The following SH3RF3 variants were observed in gnomAD, a reference collection of about 807,000 sequenced individuals.
The protein encoded by SH3RF3 is SH3 domain containing ring finger 3.
Under a neutral mutation model 66.3 loss-of-function variants are expected in SH3RF3, and 29 were observed. The ratio of observed to expected loss-of-function variants is 0.44; its 90% CI spans 0.33 to 0.60. The LOEUF is 0.60. Among genes scored for constraint, SH3RF3 ranks in the 20% least tolerant of loss-of-function variants. The pLI is 0.04. For missense variants in SH3RF3, 1,194 were observed against 1,190.9 expected (o/e 1.00, Z -0.04); for synonymous variants, 583 against 532.0 (o/e 1.10, Z -1.32).
intron 1 of SH3RF3, among the ~76,000 whole-genome samples, chr2:109,166,025 C>G (rs1290691064): frequency 6.6e-6 from 1 of 152,166 alleles, no homozygotes; most frequent in Non-Finnish European, 1.5e-5. Context: ...GTTTGCTGCT[C>G]ATTCTGTAGA....
chr2:109,211,675 C>T (rs1201214427), intron 1 of SH3RF3, among the ~76,000 whole-genome samples: 15 of 147,138 alleles, frequency 1.0e-4, no homozygotes, highest in Admixed American at 9.0e-4. Flanking sequence ...GATGGAGTCT[C>T]GCTCTGTCAC....
intron 8 of SH3RF3, among the ~76,000 whole-genome samples, chr2:109,453,029 G>A (rs1245283775): frequency 6.6e-6 from 1 of 152,162 alleles, no homozygotes; most frequent in African/African-American, 2.4e-5. Context: ...CGGGAGGCTG[G>A]TGCTCTGCTG....
intron 3 of SH3RF3, among the ~76,000 whole-genome samples, chr2:109,379,664 G>A (rs1394994112): frequency 6.6e-6 from 1 of 152,212 alleles, no homozygotes; most frequent in Non-Finnish European, 1.5e-5. Flanking sequence ...TCCTGCCGCA[G>A]CGACAGCCTG....
chr2:109,415,297 G>A (rs1300642003), intron 4 of SH3RF3, among the ~76,000 whole-genome samples: 1 of 152,254 alleles, frequency 6.6e-6, no homozygotes, highest in Non-Finnish European at 1.5e-5. Context: ...ACACCACGGT[G>A]TGGTGGCTAA....
intron 1 of SH3RF3, among the ~76,000 whole-genome samples, chr2:109,159,417 CAT>C (rs1215559568): frequency 6.6e-6 from 1 of 152,214 alleles, no homozygotes; most frequent in Non-Finnish European, 1.5e-5. Flanking sequence ...AGGCTGTTGG[CAT>C]TTCTGTAACG....
chr2:109,209,791 G>A (rs1220461588), intron 1 of SH3RF3, among the ~76,000 whole-genome samples: 1 of 152,160 alleles, frequency 6.6e-6, no homozygotes, highest in Non-Finnish European at 1.5e-5. Flanking sequence ...TTGGTAGAAT[G>A]ACAAATTGGA....
chr2:109,366,910 T>C (rs1683160936), intron 2 of SH3RF3, among the ~76,000 whole-genome samples: 1 of 152,184 alleles, frequency 6.6e-6, no homozygotes, highest in Non-Finnish European at 1.5e-5. Context: ...TTGTGGAAGG[T>C]AAGCTGAAAT....
chr2:109,228,948 G>A (rs772934603), intron 1 of SH3RF3, among the ~76,000 whole-genome samples: 20 of 152,176 alleles, frequency 1.3e-4, no homozygotes, highest in Middle Eastern at 3.2e-3. Context: ...AAAACTCCAA[G>A]TTTCTGGTCA....
intron 8 of SH3RF3, among the ~76,000 whole-genome samples, chr2:109,487,855 G>T (rs1176530880): frequency 1.3e-5 from 2 of 152,260 alleles, no homozygotes; most frequent in Middle Eastern, 3.2e-3. Flanking sequence ...AATGCCTGTT[G>T]TGTTCTCAGC....
rs553136338 is a variant in SH3RF3, at chr2:109,411,933, A to C, written c.1300-7606A>C. 5.3e-5 allele frequency among the ~76,000 whole-genome samples: 8 copies of C among 152,296 alleles called. No homozygotes were observed. The East Asian group carries it at 9.7e-4, about 18-fold the overall frequency. ...CCAGGATTCCAGTGAAGCCGGCAGAATGTCTCCCTCCTGCTGTCTTTAGGG... is the reference window on the plus strand; with the variant it reads ...CCAGGATTCCAGTGAAGCCGGCAGACTGTCTCCCTCCTGCTGTCTTTAGGG... On this transcript the variant is annotated intron_variant, in intron 4 of 9. Transcript: ENST00000309415.
At chr2:109,403,232 G>A (rs990952172) in intron 4 of SH3RF3, among the ~76,000 whole-genome samples, 2 of 152,230 alleles carry the variant, frequency 1.3e-5, no homozygotes, top group Non-Finnish European at 2.9e-5. Context: ...CACTGTCCGA[G>A]GCTGGCCTCC....
chr2:109,214,846 G>T (rs1295651167), intron 1 of SH3RF3, among the ~76,000 whole-genome samples: 2 of 152,220 alleles, frequency 1.3e-5, no homozygotes, highest in Non-Finnish European at 1.5e-5. Context: ...TCCAAGGGCT[G>T]CTGGGGGTGA....
rs112532967 is a variant in SH3RF3 at position 109,450,762 on chromosome 2, C to T, written c.2148+1273C>T. Among the ~76,000 whole-genome samples, 979 of 152,294 alleles carry T rather than the reference C, an allele frequency of 6.4e-3. 10 individuals carry two copies. The highest frequency in any genetic ancestry group is 0.022 in the African/African-American group (932 of 41,572). Reference sequence around the variant, plus strand: ...ACTGCCTGAGGCTGTATCCCTAGGGCGTTGGGCTGGGTGCTGGGCAAGGAG... The same window carrying T: ...ACTGCCTGAGGCTGTATCCCTAGGGTGTTGGGCTGGGTGCTGGGCAAGGAG... On this transcript the variant is annotated intron_variant, in intron 8 of 9. Transcript: ENST00000309415.
Position 109,490,665 on chromosome 2 carries a change from C to T in SH3RF3, c.2209C>T (p.Arg737Cys), listed in dbSNP as rs1043995907. ...LAGASTKKKS[R>C]SPPSVSPTHD... ...CGGAGCATCCACCAAGAAGAAGTCA[C>T]GCTCCCCGCCATCTGTGTCTCCAAC... Residue 737 changes from arginine (R) to cysteine (C), a missense_variant, in exon 9 of 10, where the codon CGC (arginine) becomes TGC (cysteine). Physicochemically the swap from Arg to Cys is radical, Grantham distance 180. Transcript: ENST00000309415. 20 of 1,515,244 alleles carry T rather than the reference C, an allele frequency of 1.3e-5. No individual in the cohort carries two copies. Among genetic ancestry groups the T allele is most frequent in the South Asian group, 1.2e-4 (10 of 82,758 alleles). 93.9% of individuals were successfully genotyped at this position (1,515,244 alleles called of 1,614,324 possible). A position where few individuals can be genotyped will look rare whatever the true frequency, so the allele number is the denominator to read the frequency against.
chr2:109,403,056 C>T (rs538438321), intron 4 of SH3RF3, among the ~76,000 whole-genome samples: 2 of 152,250 alleles, frequency 1.3e-5, no homozygotes, highest in South Asian at 2.1e-4. Context: ...AAGGGGCTCT[C>T]GCTGTAATGG....
At chr2:109,318,042 T>C (rs1246856598) in intron 1 of SH3RF3, among the ~76,000 whole-genome samples, 1 of 151,392 alleles carries the variant, frequency 6.6e-6, no homozygotes, top group Non-Finnish European at 1.5e-5. Context: ...GGGAGGATCA[T>C]CGTGATCCTT....
rs996198273 is a variant in SH3RF3, at chr2:109,186,035, G to A, written c.573+55922G>A. Among the ~76,000 whole-genome samples the A allele has an allele frequency of 4.5e-4, 69 of 152,192 alleles. 3 individuals carry two copies. The highest frequency in any genetic ancestry group is 4.4e-3 in the Admixed American group (68 of 15,286). ...CCGTTTTTATTCCCTTAGTCACTGG[G>A]ATCCTGTTTTGTATTTAACCCAGTG... On this transcript the variant is annotated intron_variant, in intron 1 of 9. Transcript: ENST00000309415.
intron 8 of SH3RF3, among the ~76,000 whole-genome samples, chr2:109,481,525 T>G (rs1678833494): frequency 6.6e-6 from 1 of 152,118 alleles, no homozygotes; most frequent in African/African-American, 2.4e-5. Context: ...TCGGGAAGTT[T>G]CCAGAAGGCT....
At chr2:109,133,842 G>T (rs935953052) in intron 1 of SH3RF3, among the ~76,000 whole-genome samples, 3 of 151,630 alleles carry the variant, frequency 2.0e-5, no homozygotes, top group Admixed American at 2.0e-4. Context: ...AAGGACAACA[G>T]ATCCCTGATA....
Sources: allele counts gnomAD v4.1 joint callset (sites outside exome capture counted in the v4.1 genomes callset), GRCh38; gene constraint gnomAD v4.1.1; transcripts MANE v1.5; gene names NCBI Gene and HGNC (gene_info 2026-07-23, HGNC 2026-07-21).